KIAA1217: variants seen among roughly 807,000 people sequenced by gnomAD.
KIAA1217 encodes sickle tail protein homolog.
Under a neutral mutation model 163.9 loss-of-function variants are expected in KIAA1217, and 88 were observed. The ratio of observed to expected loss-of-function variants is 0.54; its 90% CI spans 0.45 to 0.64. KIAA1217 has a LOEUF of 0.64. Among genes scored for constraint, KIAA1217 ranks in the 30% least tolerant of loss-of-function variants. The pLI is 0.00. For synonymous variants in KIAA1217, 903 were observed against 923.1 expected (o/e 0.98, Z 0.39); for missense variants, 2,372 against 2,475.0 (o/e 0.96, Z 0.88).
chr10:23,750,364 A>G (rs1839668447), intron 1 of KIAA1217, among the ~76,000 whole-genome samples: 1 of 152,162 alleles, frequency 6.6e-6, no homozygotes, highest in Non-Finnish European at 1.5e-5. Flanking sequence ...ACTGAATCCT[A>G]ATAGTCCAGC....
At chr10:23,869,002 T>C (rs1840323482) in intron 1 of KIAA1217, among the ~76,000 whole-genome samples, 1 of 152,070 alleles carries the variant, frequency 6.6e-6, no homozygotes, top group African/African-American at 2.4e-5. Flanking sequence ...TTCTCTGTTA[T>C]AATAAATAAT....
chr10:23,935,230 A>C (rs1843476432), intron 1 of KIAA1217, among the ~76,000 whole-genome samples: 1 of 152,240 alleles, frequency 6.6e-6, no homozygotes, highest in South Asian at 2.1e-4. Flanking sequence ...AAAGCTGAGA[A>C]AGGCAAAATA....
intron 1 of KIAA1217, among the ~76,000 whole-genome samples, chr10:23,843,756 T>C (rs1233552931): frequency 1.3e-5 from 2 of 152,180 alleles, no homozygotes; most frequent in Non-Finnish European, 2.9e-5. Context: ...CGAAAACCTA[T>C]GTAAGTTTCT....
At chr10:24,250,590 G>A (rs911540530) in intron 2 of KIAA1217, among the ~76,000 whole-genome samples, 1 of 134,678 alleles carries the variant, frequency 7.4e-6, no homozygotes, top group Non-Finnish European at 1.5e-5. Flanking sequence ...CTGCCACCAC[G>A]CCTTGCTAAT....
intron 5 of KIAA1217, among the ~76,000 whole-genome samples, chr10:24,458,924 C>T (rs2062069096): frequency 6.6e-6 from 1 of 152,152 alleles, no homozygotes; most frequent in Admixed American, 6.5e-5. Context: ...TCCCTCTACT[C>T]ACTAAAGCAG....
chr10:24,315,938 G>GC (rs1461412532), intron 2 of KIAA1217, among the ~76,000 whole-genome samples: 3 of 145,528 alleles, frequency 2.1e-5, no homozygotes, highest in African/African-American at 5.0e-5. Flanking sequence ...ATGGGGGGGG[G>GC]GAATCCAAGG....
At chr10:23,702,769 A>C (rs1836556192) in intron 1 of KIAA1217, among the ~76,000 whole-genome samples, 1 of 151,986 alleles carries the variant, frequency 6.6e-6, no homozygotes, top group African/African-American at 2.4e-5. Flanking sequence ...TAATCACTCT[A>C]CTGAACAGAC....
At chr10:24,195,991 C>T (rs1589858007) in intron 2 of KIAA1217, among the ~76,000 whole-genome samples, 1 of 151,828 alleles carries the variant, frequency 6.6e-6, no homozygotes, top group Non-Finnish European at 1.5e-5. Flanking sequence ...CATAATTATC[C>T]AGGTGTGGTG....
At chr10:24,267,643 A>G (rs2076362466) in intron 2 of KIAA1217, among the ~76,000 whole-genome samples, 1 of 152,226 alleles carries the variant, frequency 6.6e-6, no homozygotes. Context: ...TGATCCTAAG[A>G]GAATGATAGA....
chr10:24,277,678 A>C (rs766096076), intron 2 of KIAA1217, among the ~76,000 whole-genome samples: 1 of 152,224 alleles, frequency 6.6e-6, no homozygotes, highest in Non-Finnish European at 1.5e-5. Flanking sequence ...TGCTGCTGCC[A>C]TGTGAAGAAG....
At chr10:24,207,812 T>C (rs550679139), upstream of KIAA1217, among the ~76,000 whole-genome samples, 15 of 152,300 alleles carry the variant, frequency 9.8e-5, no homozygotes, top group Middle Eastern at 3.4e-3. Flanking sequence ...TCCACATCCT[T>C]ATGTCTTAAA....
chr10:24,317,946 A>G (rs768199093), intron 2 of KIAA1217, among the ~76,000 whole-genome samples: 1 of 152,042 alleles, frequency 6.6e-6, no homozygotes. Flanking sequence ...TGGGGCCTAG[A>G]TATTTGGTCA....
chr10:23,903,450 G>A (rs911316366), intron 1 of KIAA1217, among the ~76,000 whole-genome samples: 1 of 152,058 alleles, frequency 6.6e-6, no homozygotes, highest in African/African-American at 2.4e-5. Context: ...CAGAAATGAA[G>A]ACCCAAAGAA....
At chr10:23,878,390 T>G (rs1318605477) in intron 1 of KIAA1217, among the ~76,000 whole-genome samples, 3 of 151,968 alleles carry the variant, frequency 2.0e-5, no homozygotes, top group African/African-American at 4.8e-5. Flanking sequence ...TAAATGATTT[T>G]GTTTCCAGAG....
In KIAA1217 at chr10:24,538,749, T is replaced by G. The variant is rs79441538; in HGVS notation, c.3534+1856T>G. Among the ~76,000 whole-genome samples the G allele has an allele frequency of 5.4e-5, 8 of 147,498 alleles. No individual in the cohort carries two copies. The East Asian group carries it at 7.8e-4, about 14-fold the overall frequency. ...TGTTTTTGGTTTTTTTTTTTTTTTT[T>G]TGTGAGACCGAGTCTCACTCTGTCA... On this transcript the variant is annotated intron_variant, in intron 17 of 20. Transcript: ENST00000376454.
intron 2 of KIAA1217, among the ~76,000 whole-genome samples, chr10:24,113,253 T>A (rs573763167): frequency 4.6e-5 from 7 of 152,312 alleles, no homozygotes; most frequent in African/African-American, 1.7e-4. Context: ...AGCTATTTTC[T>A]AAAAATAATA....
At chr10:24,211,707 G>C (rs377590295) in intron 1 of KIAA1217, among the ~76,000 whole-genome samples, 2 of 151,796 alleles carry the variant, frequency 1.3e-5, no homozygotes, top group Non-Finnish European at 2.9e-5. Context: ...TCCAAGTAGG[G>C]TTGAGGGAAG....
At chr10:24,465,639 C>T (rs185191807) in intron 5 of KIAA1217, among the ~76,000 whole-genome samples, 5 of 152,300 alleles carry the variant, frequency 3.3e-5, no homozygotes, top group East Asian at 1.9e-4. Flanking sequence ...GTAATCAGAG[C>T]CTGCCTGGGA....
intron 14 of KIAA1217, among the ~76,000 whole-genome samples, chr10:24,530,416 A>G (rs973224180): frequency 1.3e-5 from 2 of 152,176 alleles, no homozygotes; most frequent in African/African-American, 2.4e-5. Context: ...GTGTAAAGGT[A>G]GCATCCGTGA....
Sources: allele counts gnomAD v4.1 joint callset (sites outside exome capture counted in the v4.1 genomes callset), GRCh38; gene constraint gnomAD v4.1.1; transcripts MANE v1.5; gene names NCBI Gene and HGNC (gene_info 2026-07-23, HGNC 2026-07-21).